The following FRMPD4 variants were observed in gnomAD, a reference collection of about 807,000 sequenced individuals.
The protein encoded by FRMPD4 is FERM and PDZ domain-containing protein 4.
FRMPD4 carries 22 observed loss-of-function variants against 94.1 expected under a neutral mutation model. The ratio of observed to expected loss-of-function variants is 0.23; its 90% confidence interval spans 0.17 to 0.33. FRMPD4 has a LOEUF of 0.33. Ranked by LOEUF, FRMPD4 falls within the 10% of genes least tolerant of loss-of-function variation. FRMPD4 has a pLI of 1.00. For synonymous variants in FRMPD4, 631 were observed against 548.6 expected (o/e 1.15, Z -2.10); for missense variants, 1,111 against 1,339.9 (o/e 0.83, Z 2.67).
At chrX:12,215,559 T>G (rs2056798190) in intron 1 of FRMPD4, among the ~76,000 whole-genome samples, 1 of 112,122 alleles carries the variant, frequency 8.9e-6, no homozygotes, top group Non-Finnish European at 1.9e-5. Context: ...GCCTTATACA[T>G]GTTATTTAAT....
chrX:11,831,427 T>A (rs2053474259), intron 1 of FRMPD4, among the ~76,000 whole-genome samples: 1 of 110,960 alleles, frequency 9.0e-6, no homozygotes, highest in South Asian at 3.8e-4. Context: ...GGTGACTGGG[T>A]AAATATGATG....
intron 2 of FRMPD4, among the ~76,000 whole-genome samples, chrX:12,529,948 C>T (rs1569318024): frequency 9.1e-6 from 1 of 110,290 alleles, no homozygotes; most frequent in Non-Finnish European, 1.9e-5. Context: ...TCAGAGATTT[C>T]TTTTATAAGA....
intron 2 of FRMPD4, among the ~76,000 whole-genome samples, chrX:12,600,791 A>G (rs1464590466): frequency 8.9e-6 from 1 of 112,279 alleles, no homozygotes; most frequent in Non-Finnish European, 1.9e-5. Flanking sequence ...ATATTTTGCT[A>G]TATTTCGTGC....
At chrX:12,380,716 C>A (rs934085963) in intron 1 of FRMPD4, among the ~76,000 whole-genome samples, 1 of 112,074 alleles carries the variant, frequency 8.9e-6, no homozygotes, top group Non-Finnish European at 1.9e-5. Flanking sequence ...GTCAGAAACG[C>A]CTGTGCTTGA....
intron 1 of FRMPD4, among the ~76,000 whole-genome samples, chrX:12,193,807 G>A (rs187563109): frequency 0.23 from 5,529 of 23,808 alleles, 1,542 homozygotes; most frequent in East Asian, 0.46. Context: ...AGGAAGGAAG[G>A]AAGGAAGGAA....
chrX:12,694,580 A>G, intron 9 of FRMPD4, 126 bp downstream of exon 9: 1 of 482,818 alleles, frequency 2.1e-6, no homozygotes, highest in Non-Finnish European at 3.6e-6. Flanking sequence ...AGTGAATCGT[A>G]CGATAATTCT....
intron 2 of FRMPD4, among the ~76,000 whole-genome samples, chrX:12,504,664 G>C (rs957644350): frequency 4.5e-5 from 5 of 112,297 alleles, no homozygotes; most frequent in Non-Finnish European, 7.5e-5. Flanking sequence ...CCAGCTGGAA[G>C]GTAAGTTTGC....
At chrX:12,363,120 G>A (rs1049285420) in intron 1 of FRMPD4, among the ~76,000 whole-genome samples, 10 of 111,731 alleles carry the variant, frequency 9.0e-5, no homozygotes, top group Non-Finnish European at 1.3e-4. Flanking sequence ...TTTGTCAGAT[G>A]GGTAGAATGT....
At chrX:12,031,597 G>T (rs768522171) in intron 3 of FRMPD4, among the ~76,000 whole-genome samples, 23 of 111,652 alleles carry the variant, frequency 2.1e-4, no homozygotes, top group African/African-American at 6.5e-4. Context: ...CAGCTTAGGG[G>T]AAGAGAGATG....
intron 1 of FRMPD4, among the ~76,000 whole-genome samples, chrX:11,840,221 T>C (rs1021296239): frequency 2.7e-5 from 3 of 111,453 alleles, no homozygotes; most frequent in Admixed American, 9.6e-5. Flanking sequence ...CTTCCCTATT[T>C]GGTTAGATTT....
intron 3 of FRMPD4, among the ~76,000 whole-genome samples, chrX:11,900,990 C>A (rs184442536): frequency 9.0e-6 from 1 of 111,362 alleles, no homozygotes; most frequent in Non-Finnish European, 1.9e-5. Flanking sequence ...CCACCCTTCA[C>A]CATTATTTAG....
chrX:12,678,216 C>G (rs1212233452), intron 5 of FRMPD4, among the ~76,000 whole-genome samples: 1 of 112,434 alleles, frequency 8.9e-6, no homozygotes, highest in East Asian at 2.8e-4. Context: ...CTTAACCAAC[C>G]CCCATCACTG....
intron 3 of FRMPD4, among the ~76,000 whole-genome samples, chrX:12,128,763 G>T (rs1378251191): frequency 8.9e-6 from 1 of 112,240 alleles, no homozygotes; most frequent in Non-Finnish European, 1.9e-5. Flanking sequence ...GAGCACCCAA[G>T]TCACCTCTTG....
intron 2 of FRMPD4, among the ~76,000 whole-genome samples, chrX:12,506,893 A>C (rs6530529): frequency 8.9e-6 from 1 of 111,786 alleles, no homozygotes; most frequent in African/African-American, 3.3e-5. Flanking sequence ...GAACTGAAAG[A>C]AAAAGAACAG....
At chrX:12,220,611 C>T (rs1396752053) in intron 1 of FRMPD4, among the ~76,000 whole-genome samples, 1 of 111,820 alleles carries the variant, frequency 8.9e-6, no homozygotes, top group East Asian at 2.8e-4. Context: ...CCTGATGTAA[C>T]TGTAAGGGGT....
chrX:12,492,657 A>G (rs1220627181), intron 1 of FRMPD4, among the ~76,000 whole-genome samples: 2 of 111,598 alleles, frequency 1.8e-5, no homozygotes, highest in South Asian at 7.5e-4. Flanking sequence ...CCTCCTTGTC[A>G]TAACAAAAGT....
At chrX:12,323,931 G>C (rs2055248044) in intron 1 of FRMPD4, among the ~76,000 whole-genome samples, 1 of 111,725 alleles carries the variant, frequency 9.0e-6, no homozygotes, top group African/African-American at 3.3e-5. Flanking sequence ...ATCCTGGTGT[G>C]GCTTACACCA....
At chrX:12,034,922 G>T (rs1274527194) in intron 3 of FRMPD4, among the ~76,000 whole-genome samples, 1 of 111,854 alleles carries the variant, frequency 8.9e-6, no homozygotes, top group Non-Finnish European at 1.9e-5. Flanking sequence ...CACTGTAAAA[G>T]GTATGCGGTG....
chrX:12,071,815 G>A (rs1187385824), intron 3 of FRMPD4, among the ~76,000 whole-genome samples: 1 of 110,844 alleles, frequency 9.0e-6, no homozygotes, highest in African/African-American at 3.3e-5. Context: ...CCAGCCAAAG[G>A]AAGGACCAGA....
Sources: allele counts gnomAD v4.1 joint callset (sites outside exome capture counted in the v4.1 genomes callset), GRCh38; gene constraint gnomAD v4.1.1; transcripts MANE v1.5; gene names NCBI Gene and HGNC (gene_info 2026-07-23, HGNC 2026-07-21).